The following RPS6KC1 variants were observed in gnomAD, a reference collection of about 807,000 sequenced individuals.
RPS6KC1 encodes the protein inactive ribosomal protein S6 kinase delta-1.
A neutral mutation model predicts 103.8 loss-of-function variants in RPS6KC1; 54 were observed. The observed-to-expected ratio is 0.52, with a 90% confidence interval of 0.42 to 0.65. RPS6KC1 has a LOEUF of 0.65. Among genes scored for constraint, RPS6KC1 ranks in the 30% least tolerant of loss-of-function variants. The pLI, the probability that RPS6KC1 is intolerant of heterozygous loss-of-function variation, is 0.00. For missense variants in RPS6KC1, 1,151 were observed against 1,253.8 expected (o/e 0.92, Z 1.24); for synonymous variants, 439 against 438.7 (o/e 1.00, Z -0.01).
the RPS6KC1 span, among the ~76,000 whole-genome samples, chr1:213,614,326 A>T: frequency 6.6e-6 from 1 of 152,252 alleles, no homozygotes; most frequent in African/African-American, 2.4e-5. Context: ...AGTCCTGTGT[A>T]CCACTACGGT....
the RPS6KC1 span, among the ~76,000 whole-genome samples, chr1:213,745,874 G>A: frequency 1.3e-5 from 2 of 152,132 alleles, no homozygotes; most frequent in Non-Finnish European, 2.9e-5. Context: ...AGGGGTATGC[G>A]GATAAATGAT....
At chr1:213,143,500 CTTTTTA>C (rs2147782407) in intron 6 of RPS6KC1, among the ~76,000 whole-genome samples, 1 of 151,578 alleles carries the variant, frequency 6.6e-6, no homozygotes, top group South Asian at 2.1e-4. Flanking sequence ...TCTGAATATT[CTTTTTA>C]TTTTTGAGTT....
the RPS6KC1 span, among the ~76,000 whole-genome samples, chr1:213,675,397 G>GA: frequency 6.6e-6 from 1 of 152,156 alleles, no homozygotes; most frequent in African/African-American, 2.4e-5. Flanking sequence ...CTTATAGTTT[G>GA]AAGTCTTACA....
chr1:213,509,233 G>T, the RPS6KC1 span, among the ~76,000 whole-genome samples: 2 of 152,148 alleles, frequency 1.3e-5, no homozygotes, highest in Admixed American at 1.3e-4. Flanking sequence ...CCAAATCTGG[G>T]TATTAAGGCA....
At chr1:213,789,247 C>G in the RPS6KC1 span, among the ~76,000 whole-genome samples, 1 of 152,158 alleles carries the variant, frequency 6.6e-6, no homozygotes, top group South Asian at 2.1e-4. Context: ...ACAGTAAGAG[C>G]CTAAAAGGGC....
the RPS6KC1 span, among the ~76,000 whole-genome samples, chr1:213,316,172 A>G: frequency 6.6e-6 from 1 of 152,186 alleles, no homozygotes. Flanking sequence ...TGATGGTTTT[A>G]TAAGTGGCAG....
the RPS6KC1 span, among the ~76,000 whole-genome samples, chr1:213,381,231 A>G: frequency 6.6e-6 from 1 of 152,036 alleles, no homozygotes; most frequent in East Asian, 1.9e-4. Flanking sequence ...TGTGTGGAGG[A>G]GTGGGAGAGC....
the RPS6KC1 span, among the ~76,000 whole-genome samples, chr1:213,346,616 G>A: frequency 6.6e-6 from 1 of 152,074 alleles, no homozygotes; most frequent in Non-Finnish European, 1.5e-5. Flanking sequence ...ATTCAGGCTG[G>A]TTTGTTAGTT....
chr1:213,845,826 A>G, the RPS6KC1 span, among the ~76,000 whole-genome samples: 1 of 152,128 alleles, frequency 6.6e-6, no homozygotes, highest in Non-Finnish European at 1.5e-5. Context: ...TACCTGCCTC[A>G]TAGAGTTATT....
chr1:213,145,274 G>A (rs1437959030), intron 6 of RPS6KC1, among the ~76,000 whole-genome samples: 1 of 152,164 alleles, frequency 6.6e-6, no homozygotes, highest in Non-Finnish European at 1.5e-5. Context: ...AGGTTGTGGT[G>A]CAGGGAGAAG....
At chr1:213,457,472 C>G in the RPS6KC1 span, among the ~76,000 whole-genome samples, 1 of 127,460 alleles carries the variant, frequency 7.8e-6, no homozygotes, top group Non-Finnish European at 1.7e-5. Flanking sequence ...TTCCGGGCAT[C>G]CTCTCACTGA....
the RPS6KC1 span, among the ~76,000 whole-genome samples, chr1:213,376,124 G>GTC: frequency 7.0e-6 from 1 of 142,212 alleles, no homozygotes; most frequent in East Asian, 2.0e-4. Flanking sequence ...GTGTGTGTGT[G>GTC]TGTGTGTAAA....
the RPS6KC1 span, among the ~76,000 whole-genome samples, chr1:213,351,906 A>T: frequency 6.6e-6 from 1 of 152,070 alleles, no homozygotes; most frequent in Non-Finnish European, 1.5e-5. Flanking sequence ...AGGTATGCTG[A>T]GTATTCTGTT....
intron 6 of RPS6KC1, among the ~76,000 whole-genome samples, chr1:213,145,967 G>GTTTTTTTTTTTTTTTTTTTTT (rs71573864): frequency 1.7e-4 from 8 of 47,804 alleles, no homozygotes; most frequent in Admixed American, 3.5e-4. Context: ...CATTCATTCT[G>GTTTTTTTTTTTTTTTTTTTTT]TTTTTTTTTT....
At chr1:213,616,356 G>A in the RPS6KC1 span, among the ~76,000 whole-genome samples, 1 of 152,200 alleles carries the variant, frequency 6.6e-6, no homozygotes, top group Non-Finnish European at 1.5e-5. Flanking sequence ...GCAGGGCGGG[G>A]CAGGACAGCA....
intron 3 of RPS6KC1, among the ~76,000 whole-genome samples, chr1:213,080,926 A>G (rs1363919108): frequency 6.6e-6 from 1 of 152,258 alleles, no homozygotes; most frequent in Non-Finnish European, 1.5e-5. Context: ...GTATACCACA[A>G]TTACATTTTG....
At chr1:213,690,019 C>T in the RPS6KC1 span, among the ~76,000 whole-genome samples, 2 of 152,180 alleles carry the variant, frequency 1.3e-5, no homozygotes, top group Non-Finnish European at 2.9e-5. Flanking sequence ...GAAATCTTCT[C>T]TAAGCATGGC....
the RPS6KC1 span, among the ~76,000 whole-genome samples, chr1:213,861,404 G>A: frequency 6.6e-6 from 1 of 152,164 alleles, no homozygotes; most frequent in African/African-American, 2.4e-5. Flanking sequence ...CAGGCCCAGG[G>A]CCAGGCTCTG....
the RPS6KC1 span, among the ~76,000 whole-genome samples, chr1:213,418,846 A>G: frequency 1.3e-5 from 2 of 152,116 alleles, no homozygotes; most frequent in Admixed American, 1.3e-4. Context: ...AAACAGCTTT[A>G]CTTCCAAGGC....
Sources: allele counts gnomAD v4.1 joint callset (sites outside exome capture counted in the v4.1 genomes callset), GRCh38; gene constraint gnomAD v4.1.1; transcripts MANE v1.5; gene names NCBI Gene and HGNC (gene_info 2026-07-23, HGNC 2026-07-21).